Variants in CDK1 observed in about 807,000 individuals in gnomAD.
CDK1 encodes cyclin-dependent kinase 1.
A neutral mutation model predicts 34.6 loss-of-function variants in CDK1; 5 were observed. The ratio of observed to expected loss-of-function variants is 0.14; its 90% CI spans 0.08 to 0.30. The LOEUF (loss-of-function observed/expected upper bound fraction) is 0.30. Among genes scored for constraint, CDK1 ranks in the 10% least tolerant of loss-of-function variants. CDK1 has a pLI of 1.00. For synonymous variants in CDK1, 108 were observed against 114.7 expected, an observed-to-expected ratio of 0.94 and a Z score of 0.37; for missense variants, 157 against 345.7, an observed-to-expected ratio of 0.45 and a Z score of 4.33.
At chr10:60,786,082 T>A in intron 4 of CDK1, 7 of 1,030,908 alleles carry the variant, frequency 6.8e-6, no homozygotes, top group Non-Finnish European at 8.1e-6. Flanking sequence ...TAAAACAAAG[T>A]AATGAAAGCC....
At chr10:60,790,656 T>G (rs2080353474) in intron 5 of CDK1, among the ~76,000 whole-genome samples, 1 of 152,176 alleles carries the variant, frequency 6.6e-6, no homozygotes, top group Non-Finnish European at 1.5e-5. Flanking sequence ...TTCCAATAGT[T>G]TCATAGTTTA....
At chr10:60,793,738 A>G (rs2080377536) in intron 7 of CDK1, 139 bp from the exon 8 acceptor site, 1 of 561,270 alleles carries the variant, frequency 1.8e-6, no homozygotes, top group Non-Finnish European at 3.1e-6. Flanking sequence ...GTGTTAAACT[A>G]ATGGAAATGC....
At chr10:60,784,607 A>C in intron 2 of CDK1, 98 bp from the exon 3 acceptor site, 1 of 1,021,366 alleles carries the variant, frequency 9.8e-7, no homozygotes, top group South Asian at 1.7e-5. Context: ...TCCAACCTGG[A>C]CAAGAAAACA....
At chr10:60,782,903 C>G (rs926516523) in intron 2 of CDK1, among the ~76,000 whole-genome samples, 4 of 152,064 alleles carry the variant, frequency 2.6e-5, no homozygotes, top group African/African-American at 9.7e-5. Context: ...CTCTAAAATT[C>G]AACACATTGA....
At chr10:60,778,797 T>G (rs1307770496) in intron 1 of CDK1, 1 of 152,594 alleles carries the variant, frequency 6.6e-6, no homozygotes, top group Non-Finnish European at 1.5e-5. Context: ...CCTGGCGGGG[T>G]TAGGCGGCGT....
rs1589108927 is a variant in CDK1, at chr10:60,780,158, G to T, written c.-8G>T. ...CACTTTAGGATCTACCATACCCATT[G>T]ACTAACTATGGAAGATTATACCAAA... On this transcript the variant is annotated 5_prime_UTR_variant, in exon 2 of 8. Transcript: ENST00000395284. The T allele has an allele frequency of 6.5e-7, 1 of 1,527,500 alleles. No homozygotes were observed. Among genetic ancestry groups the T allele is most frequent in the Non-Finnish European group, 9.1e-7 (1 of 1,101,782 alleles). The allele number at this position is 1,527,500 out of a possible 1,614,324, so 94.6% of individuals were successfully genotyped here.
chr10:60,785,163 G>A (rs2448346), intron 3 of CDK1, among the ~76,000 whole-genome samples: 114,162 of 151,984 alleles, frequency 0.75, 43,108 homozygotes, highest in East Asian at 0.84. Flanking sequence ...TACTTGGGGA[G>A]CTCTAGTTCC....
chr10:60,787,332 G>A (rs528264040), intron 4 of CDK1, among the ~76,000 whole-genome samples: 11 of 152,046 alleles, frequency 7.2e-5, no homozygotes, highest in African/African-American at 2.7e-4. Flanking sequence ...TGGTAGGTTA[G>A]GTGTGTTCAA....
intron 4 of CDK1, 52 bp from the exon 5 acceptor site, chr10:60,788,008 T>A: frequency 1.1e-6 from 1 of 915,432 alleles, no homozygotes; most frequent in South Asian, 3.2e-5. Context: ...ACAGATTATT[T>A]AGAAAATCAT....
At position 60,788,080 on chromosome 10, in the gene CDK1, A is replaced by G. The variant is rs1255463152; in HGVS notation, c.339A>G (p.Leu113=). The part of the protein sequence containing the change: ...SLVKSYLYQI[L]QGIVFCHSRR... ...TCCAGAGTTATTTATACCAAATCCT[A>G]CAGGGGATTGTGTTTTGTCACTCTA... is the stretch of plus-strand genomic sequence containing the variant. Residue 113 remains leucine (L), a synonymous_variant, in exon 5 of 8, where the codon CTA becomes CTG. Transcript: ENST00000395284. 3.2e-6 allele frequency: 5 copies of G among 1,553,324 alleles called. No homozygotes were observed. Among genetic ancestry groups the G allele is most frequent in the Non-Finnish European group, 4.4e-6 (5 of 1,146,128 alleles).
chr10:60,788,547 C>G (rs1033064905), intron 5 of CDK1, among the ~76,000 whole-genome samples: 3 of 152,010 alleles, frequency 2.0e-5, no homozygotes, highest in African/African-American at 7.2e-5. Flanking sequence ...TCATTCCCAT[C>G]CTTTGTTGTA....
chr10:60,786,835 T>A (rs1224683851), intron 4 of CDK1: 3 of 957,726 alleles, frequency 3.1e-6, no homozygotes, highest in Non-Finnish European at 3.7e-6. Context: ...CCGCCTATAT[T>A]TTCGTTAGGA....
Position 60,784,447 on chromosome 10 carries a change from T to C in CDK1, c.38-258T>C, listed in dbSNP as rs112848254. Among the ~76,000 whole-genome samples the C allele has an allele frequency of 7.9e-3, 1,207 of 152,148 alleles. 9 individuals carry two copies. Among genetic ancestry groups the C allele is most frequent in the South Asian group, 0.029 (141 of 4,818 alleles). ...GAGTTCCAGACTGGCCTGGGCAACA[T>C]GGTGAAACCCCATCTCTACCAAAAA... On this transcript the variant is annotated intron_variant, in intron 2 of 7. Coordinates refer to ENST00000395284, the MANE Select transcript of CDK1 (RefSeq NM_001786.5).
intron 5 of CDK1, 141 bp from the exon 6 acceptor site, chr10:60,791,749 G>A (rs1057033367): frequency 1.2e-5 from 6 of 487,114 alleles, no homozygotes; most frequent in Admixed American, 7.5e-5. Context: ...TCAATTTTGT[G>A]TACCTTTAAT....
At chr10:60,781,133 G>T (rs2080269902) in intron 2 of CDK1, among the ~76,000 whole-genome samples, 1 of 152,002 alleles carries the variant, frequency 6.6e-6, no homozygotes. Flanking sequence ...AAAAATATGT[G>T]ATTAGTATGT....
At chr10:60,779,227 G>A (rs1324614009) in intron 1 of CDK1, among the ~76,000 whole-genome samples, 1 of 152,204 alleles carries the variant, frequency 6.6e-6, no homozygotes, top group Non-Finnish European at 1.5e-5. Context: ...TTTCTTTGAA[G>A]ATGAATGTGA....
At position 60,778,566 on chromosome 10, in the gene CDK1, G is replaced by A. The variant is rs570604407; in HGVS notation, c.-30G>A. 8.5e-4 allele frequency: 130 copies of A among 152,500 alleles called. No individual in the cohort carries two copies. The highest frequency in any genetic ancestry group is 3.1e-3 in the African/African-American group (130 of 41,600). The allele number at this position is 152,500 out of a possible 1,614,324, so 9.4% of individuals were successfully genotyped here. A position where few individuals can be genotyped will look rare whatever the true frequency, so the allele number is the denominator to read the frequency against. ...CGCTGCGGCCGCCGCGGAATAATAAGCCGGGTACAGTGGCTGGGGTCAGGG... is the reference window on the plus strand; with the variant it reads ...CGCTGCGGCCGCCGCGGAATAATAAACCGGGTACAGTGGCTGGGGTCAGGG... On this transcript the variant is annotated 5_prime_UTR_variant, in exon 1 of 8. Transcript: ENST00000395284.
chr10:60,786,089 A>T, intron 4 of CDK1: 2 of 1,022,706 alleles, frequency 2.0e-6, no homozygotes, highest in Non-Finnish European at 2.3e-6. Flanking sequence ...AAGTAATGAA[A>T]GCCTAGGGCA....
chr10:60,792,109 A>G (rs1199187283), intron 6 of CDK1, 39 bp from the exon 7 acceptor site: 2 of 1,598,176 alleles, frequency 1.3e-6, no homozygotes, highest in South Asian at 1.1e-5. Flanking sequence ...ATGAGATTAC[A>G]TTTATGCTTT....
Sources: allele counts gnomAD v4.1 joint callset (sites outside exome capture counted in the v4.1 genomes callset), GRCh38; gene constraint gnomAD v4.1.1; transcripts MANE v1.5; gene names NCBI Gene and HGNC (gene_info 2026-07-23, HGNC 2026-07-21).